Variants in SCFD2 observed in about 807,000 individuals in gnomAD.
The protein encoded by SCFD2 is sec1 family domain containing 2.
SCFD2 carries 54 observed loss-of-function variants against 58.9 expected under a neutral mutation model. The observed-to-expected ratio is 0.92, with a 90% CI of 0.74 to 1.15. The LOEUF (loss-of-function observed/expected upper bound fraction) is 1.15. SCFD2 is among the 50% of genes most tolerant of loss of function. SCFD2 has a pLI of 0.00. For missense variants in SCFD2, 805 were observed against 836.6 expected (o/e 0.96, Z 0.47); for synonymous variants, 321 against 335.9 (o/e 0.96, Z 0.49).
intron 5 of SCFD2, among the ~76,000 whole-genome samples, chr4:53,142,408 C>T (rs915017120): frequency 1.3e-5 from 2 of 152,108 alleles, no homozygotes; most frequent in African/African-American, 2.4e-5. Context: ...TTTCATCAAC[C>T]ACAAAATGTG....
intron 5 of SCFD2, among the ~76,000 whole-genome samples, chr4:52,983,246 A>G (rs188698612): frequency 6.6e-6 from 1 of 152,314 alleles, no homozygotes; most frequent in Non-Finnish European, 1.5e-5. Context: ...CAATGTATAT[A>G]TTTGTCATTT....
chr4:53,113,327 G>C (rs1290208522), intron 5 of SCFD2, among the ~76,000 whole-genome samples: 1 of 152,074 alleles, frequency 6.6e-6, no homozygotes, highest in Non-Finnish European at 1.5e-5. Context: ...AGAAGCTACT[G>C]TGTTACTTCT....
At chr4:53,121,682 A>G (rs1203651246) in intron 5 of SCFD2, among the ~76,000 whole-genome samples, 3 of 152,208 alleles carry the variant, frequency 2.0e-5, no homozygotes, top group African/African-American at 7.2e-5. Flanking sequence ...ACCTGGTCGC[A>G]ATCAGAATAG....
intron 4 of SCFD2, among the ~76,000 whole-genome samples, chr4:53,271,435 C>CTTTATTTATTTATTTATTTA (rs10524620): frequency 1.4e-5 from 2 of 139,448 alleles, no homozygotes; most frequent in South Asian, 2.4e-4. Flanking sequence ...ACATACATCA[C>CTTTATTTATTTATTTATTTA]TTTATTTATT....
intron 5 of SCFD2, among the ~76,000 whole-genome samples, chr4:52,990,213 G>A (rs913825917): frequency 6.6e-6 from 1 of 152,164 alleles, no homozygotes; most frequent in African/African-American, 2.4e-5. Context: ...TAAGAAGAAA[G>A]CTGTTTTCTT....
Position 53,365,806 on chromosome 4 carries a change from G to A in SCFD2, c.136C>T (p.Leu46=), listed in dbSNP as rs1453193873. 1 of 1,613,996 alleles carries A rather than the reference G, an allele frequency of 6.2e-7. No homozygotes were observed. Among genetic ancestry groups the A allele is most frequent in the Non-Finnish European group, 8.5e-7 (1 of 1,179,998 alleles). ...LHWGCGSTRL[L]EAVGGPDCHL... is the part of the protein sequence containing the mutation. ...CAGTCAGGACCCCCCACCGCCTCCA[G>A]GAGACGGGTGGATCCGCAGCCCCAG... The change falls in exon 1 of 9, where the codon CTG becomes TTG. Residue 46 remains leucine (L), a synonymous_variant. Transcript: ENST00000401642. This position sits in a 1 kb window ranked among gnomAD's most constrained non-coding sequence, Gnocchi z 4.3.
intron 3 of SCFD2, among the ~76,000 whole-genome samples, chr4:53,275,147 T>A (rs1731289347): frequency 6.6e-6 from 1 of 152,230 alleles, no homozygotes; most frequent in Admixed American, 6.5e-5. Context: ...TAGTCCTGCC[T>A]GACGTGCTAA....
intron 5 of SCFD2, chr4:52,956,281 GC>G (rs1462012274): frequency 2.2e-6 from 1 of 456,420 alleles, no homozygotes; most frequent in Non-Finnish European, 4.4e-6. Flanking sequence ...TGGAAGGGGA[GC>G]GGTGGCTGAG....
chr4:53,247,867 C>CA (rs35585900), intron 4 of SCFD2, among the ~76,000 whole-genome samples: 4,321 of 54,416 alleles, frequency 0.079, 618 homozygotes, highest in Middle Eastern at 0.17. Flanking sequence ...GACTCCGTCT[C>CA]AAAAAAAAAA....
At chr4:53,048,822 A>C (rs1723112799) in intron 5 of SCFD2, among the ~76,000 whole-genome samples, 2 of 151,982 alleles carry the variant, frequency 1.3e-5, no homozygotes, top group South Asian at 4.2e-4. Flanking sequence ...GCTTCCTCTA[A>C]AGCTGCTCAC....
chr4:53,106,584 T>C (rs1035528107), intron 5 of SCFD2, among the ~76,000 whole-genome samples: 23 of 152,210 alleles, frequency 1.5e-4, no homozygotes, highest in African/African-American at 5.1e-4. Flanking sequence ...CAAGTATCAA[T>C]AGCCGAATGA....
chr4:52,928,152 T>G (rs940114375), intron 5 of SCFD2, among the ~76,000 whole-genome samples: 2 of 151,804 alleles, frequency 1.3e-5, no homozygotes, highest in South Asian at 2.1e-4. Flanking sequence ...CTGGGCAACA[T>G]AGCAAGACTC....
chr4:53,258,887 CTATTTTTT>C (rs1730741507), intron 4 of SCFD2, among the ~76,000 whole-genome samples: 2 of 151,906 alleles, frequency 1.3e-5, no homozygotes, highest in African/African-American at 2.4e-5. Flanking sequence ...ACACCAATAT[CTATTTTTT>C]TATTTTTTTA....
At chr4:53,181,524 C>G (rs937965687) in intron 4 of SCFD2, among the ~76,000 whole-genome samples, 36 of 152,108 alleles carry the variant, frequency 2.4e-4, no homozygotes, top group African/African-American at 8.0e-4. Flanking sequence ...TAAGAGCTAT[C>G]TATAACAAAC....
chr4:53,180,711 G>C (rs1727520494), intron 4 of SCFD2, among the ~76,000 whole-genome samples: 6 of 152,116 alleles, frequency 3.9e-5, no homozygotes, highest in Admixed American at 3.9e-4. Context: ...ATGAATCCAG[G>C]AGCTGGTTTT....
At chr4:52,987,511 T>C (rs1278202217) in intron 5 of SCFD2, among the ~76,000 whole-genome samples, 1 of 152,202 alleles carries the variant, frequency 6.6e-6, no homozygotes, top group East Asian at 1.9e-4. Context: ...TCCTTTTCCT[T>C]GATGTCTCCA....
intron 2 of SCFD2, among the ~76,000 whole-genome samples, chr4:53,334,438 C>T (rs1349262334): frequency 4.6e-5 from 7 of 151,742 alleles, no homozygotes; most frequent in Non-Finnish European, 7.4e-5. Flanking sequence ...ATGATGAGTT[C>T]ATGTCCTTTG....
intron 4 of SCFD2, among the ~76,000 whole-genome samples, chr4:53,233,059 T>C (rs1729488408): frequency 6.6e-6 from 1 of 152,186 alleles, no homozygotes; most frequent in African/African-American, 2.4e-5. Flanking sequence ...AGCCTAGGCA[T>C]AGGCTTCTTT....
intron 4 of SCFD2, among the ~76,000 whole-genome samples, chr4:53,268,620 C>T (rs1320938605): frequency 2.0e-5 from 3 of 152,112 alleles, no homozygotes; most frequent in Non-Finnish European, 4.4e-5. Flanking sequence ...ATAGGAGCCA[C>T]AGTGTGGGCT....
Sources: gnomAD v4.1 joint callset for allele counts (sites outside exome capture counted in the v4.1 genomes callset) on GRCh38, gnomAD v4.1.1 for gene constraint, Gnocchi (gnomAD v3.1) non-coding constraint, MANE v1.5 for transcripts, NCBI Gene and HGNC (gene_info 2026-07-23, HGNC 2026-07-21) for gene names.